The following DBX2 variants were observed in gnomAD, a reference collection of about 807,000 sequenced individuals.
DBX2 encodes the protein homeobox protein DBX2.
DBX2 carries 16 observed loss-of-function variants against 17.7 expected under a neutral mutation model. The ratio of observed to expected loss-of-function variants is 0.90; its 90% CI spans 0.61 to 1.37. The LOEUF (loss-of-function observed/expected upper bound fraction) is 1.37. DBX2 is among the 40% of genes most tolerant of loss of function. The probability of loss-of-function intolerance (pLI) is 0.00; values close to 1 mark genes in which losing one functional copy is unlikely to be tolerated. For missense variants in DBX2, 538 were observed against 433.8 expected, an observed-to-expected ratio of 1.24 and a Z score of -2.13; for synonymous variants, 255 against 183.8, an observed-to-expected ratio of 1.39 and a Z score of -3.13.
Position 45,051,092 on chromosome 12 carries a change from G to A in DBX2, c.-165C>T, listed in dbSNP as rs1202029645. Reference sequence around the variant, plus strand: ...GGCCACCCGGGACGGCGGCGGACTTGGAACGATATTATTTATTTGCGTTGG... The same window carrying A: ...GGCCACCCGGGACGGCGGCGGACTTAGAACGATATTATTTATTTGCGTTGG... On this transcript the variant is annotated 5_prime_UTR_variant, in exon 1 of 4. Transcript: ENST00000332700. 1.1e-5 allele frequency: 8 copies of A among 739,750 alleles called. No individual in the cohort carries two copies. The African/African-American group carries it at 1.5e-4, about 14-fold the overall frequency. 45.8% of individuals were successfully genotyped at this position (739,750 alleles called of 1,614,324 possible).
intron 1 of DBX2, among the ~76,000 whole-genome samples, chr12:45,048,945 T>C (rs1946514748): frequency 6.6e-6 from 1 of 152,196 alleles, no homozygotes; most frequent in African/African-American, 2.4e-5. Flanking sequence ...TTTGGTTAAG[T>C]GTACAAGAAT....
chr12:45,037,156 A>G (rs1946445308), intron 1 of DBX2, among the ~76,000 whole-genome samples: 1 of 152,206 alleles, frequency 6.6e-6, no homozygotes, highest in African/African-American at 2.4e-5. Flanking sequence ...TCAGTAGATG[A>G]GAACAGCTAT....
rs1356227481 is a variant in DBX2 at position 45,016,464 on chromosome 12, TC to T, written c.841del (p.Asp281ThrfsTer22). 1 of 1,613,870 alleles carries T rather than the reference TC, an allele frequency of 6.2e-7. No individual in the cohort carries two copies. The highest frequency in any genetic ancestry group is 8.5e-7 in the Non-Finnish European group (1 of 1,179,914). ...TGGACTTGAGTGCTGTTGGGGGACGTCCCATATTGAAGGACATGGAGAAGGG... is the reference window on the plus strand; with the variant it reads ...TGGACTTGAGTGCTGTTGGGGGACGTCCATATTGAAGGACATGGAGAAGGG... ...GFPSPCPSIW[D>X]VPQQHSSPRW... On this transcript the variant is annotated frameshift_variant, in exon 4 of 4. Transcript: ENST00000332700. LOFTEE classifies it low-confidence loss of function (END_TRUNC).
chr12:45,024,407 C>T (rs984547254), intron 2 of DBX2, among the ~76,000 whole-genome samples: 2 of 152,156 alleles, frequency 1.3e-5, no homozygotes, highest in African/African-American at 4.8e-5. Context: ...AATACAGACT[C>T]CTCTGAGAAT....
chr12:45,029,875 A>G (rs1298482657), intron 2 of DBX2, among the ~76,000 whole-genome samples: 1 of 82,186 alleles, frequency 1.2e-5, no homozygotes, highest in Admixed American at 1.4e-4. Flanking sequence ...AAAAAAAAAT[A>G]ATAAAAATAA....
chr12:45,034,620 T>C (rs1363384690), intron 2 of DBX2, among the ~76,000 whole-genome samples: 1 of 152,210 alleles, frequency 6.6e-6, no homozygotes, highest in East Asian at 1.9e-4. Flanking sequence ...ATGGGCCCTA[T>C]GTATTCAGCA....
At chr12:45,021,818 C>T (rs1035886696) in intron 3 of DBX2, among the ~76,000 whole-genome samples, 55 of 152,040 alleles carry the variant, frequency 3.6e-4, no homozygotes, top group East Asian at 3.9e-4. Flanking sequence ...ACTACCGATC[C>T]CCTTATTGGG....
At chr12:45,031,191 A>AGTGTGTGTGTGTGTGTGTGTGT in intron 2 of DBX2, among the ~76,000 whole-genome samples, 1 of 99,392 alleles carries the variant, frequency 1.0e-5, no homozygotes, top group East Asian at 2.9e-4. Context: ...CTTATTTTCA[A>AGTGTGTGTGTGTGTGTGTGTGT]GTGTGTGTGT....
At chr12:45,048,123 A>G (rs1361633076) in intron 1 of DBX2, among the ~76,000 whole-genome samples, 1 of 152,190 alleles carries the variant, frequency 6.6e-6, no homozygotes, top group African/African-American at 2.4e-5. Context: ...ATAGTAGGTA[A>G]CAAAAAATAA....
At chr12:45,031,854 G>A (rs986914034) in intron 2 of DBX2, among the ~76,000 whole-genome samples, 7 of 151,948 alleles carry the variant, frequency 4.6e-5, no homozygotes, top group African/African-American at 1.7e-4. Context: ...GTTCTATTCA[G>A]TCATTCTCCC....
rs1251334714 is a variant in DBX2 at position 45,016,572 on chromosome 12, T to C, written c.734A>G (p.Lys245Arg). Residue 245 changes from lysine (K) to arginine (R), a missense_variant, in exon 4 of 4, where the codon AAA (lysine) becomes AGA (arginine). Physicochemically the swap from Lys to Arg is conservative, Grantham distance 26. Coordinates refer to ENST00000332700, the MANE Select transcript of DBX2 (RefSeq NM_001004329.3). ...QNRRMKWRNSKEKEVLSNRCI... is the reference protein window; with the variant it reads ...QNRRMKWRNSREKEVLSNRCI... ...CCTGTTGGAAAGCACTTCCTTTTCT[T>C]TGGAATTCCGCCATTTCATCCTCCT... 1.3e-6 allele frequency: 2 copies of C among 1,559,158 alleles called. No homozygotes were observed. Among genetic ancestry groups the C allele is most frequent in the Admixed American group, 2.0e-5 (1 of 49,496 alleles).
chr12:45,033,513 G>A (rs1195208447), intron 2 of DBX2, among the ~76,000 whole-genome samples: 1 of 152,050 alleles, frequency 6.6e-6, no homozygotes, highest in Non-Finnish European at 1.5e-5. Context: ...GAAGATTATT[G>A]TACAGATGTA....
chr12:45,034,195 T>G (rs1946423717), intron 2 of DBX2, among the ~76,000 whole-genome samples: 1 of 151,988 alleles, frequency 6.6e-6, no homozygotes, highest in Non-Finnish European at 1.5e-5. Context: ...CCATTTCCAC[T>G]TACCTGGACT....
chr12:45,050,893 G>T lies in DBX2; in HGVS notation c.35C>A (p.Ala12Glu). 2.0e-6 allele frequency: 3 copies of T among 1,519,620 alleles called. No individual in the cohort carries two copies. The highest frequency in any genetic ancestry group is 1.2e-5 in the South Asian group (1 of 80,024). The allele number at this position is 1,519,620 out of a possible 1,614,324, so 94.1% of individuals were successfully genotyped here. Residue 12 changes from alanine to glutamate, a missense_variant, in exon 1 of 4, where the codon GCG (alanine) becomes GAG (glutamate). By Grantham distance (107) the Ala-to-Glu change is moderately radical. Coordinates refer to ENST00000332700, the MANE Select transcript of DBX2 (RefSeq NM_001004329.3). Reference sequence around the variant, plus strand: ...GGAGGAAGCCACAACGTCCCAGTACGCACCGGCGTGGGCTGCGACCGCGCT... The same window carrying T: ...GGAGGAAGCCACAACGTCCCAGTACTCACCGGCGTGGGCTGCGACCGCGCT... ...LPSAVAAHAG[A>E]YWDVVASSAL...
rs957006622 is a variant in DBX2, at chr12:45,031,157, T to C, written c.499+4862A>G. Among the ~76,000 whole-genome samples, 4 of 149,824 alleles carry C rather than the reference T, an allele frequency of 2.7e-5. No individual in the cohort carries two copies. In the Admixed American group the frequency reaches 2.7e-4, roughly 10 times the overall value. On this transcript the variant is annotated intron_variant, in intron 2 of 3. Coordinates refer to ENST00000332700, the MANE Select transcript of DBX2 (RefSeq NM_001004329.3). ...CCTCCTATCTTTCAGGGGCTTCTCT[T>C]TCATGAAGAGCTTCCTTACCCTTCT...
intron 2 of DBX2, among the ~76,000 whole-genome samples, chr12:45,027,102 C>T (rs551361295): frequency 9.2e-5 from 14 of 152,302 alleles, no homozygotes; most frequent in Middle Eastern, 3.4e-3. Context: ...GTTTGGATAT[C>T]AGCCCTTACA....
intron 2 of DBX2, among the ~76,000 whole-genome samples, chr12:45,035,615 C>T (rs987967140): frequency 6.6e-6 from 1 of 152,176 alleles, no homozygotes; most frequent in Admixed American, 6.5e-5. Flanking sequence ...TCCATAGACA[C>T]TTAGTGACTT....
In DBX2 at chr12:45,050,942, C is replaced by T. The variant is rs372265401; in HGVS notation, c.-15G>A. ...CTGGGGAGCATAGTGCGGCGCCAAC[C>T]GGTCTGCTGCGCGCCCGCCTTGCGC... On this transcript the variant is annotated 5_prime_UTR_variant, in exon 1 of 4. Transcript: ENST00000332700. 9 of 1,418,748 alleles carry T rather than the reference C, an allele frequency of 6.3e-6. No individual in the cohort carries two copies. Among genetic ancestry groups the T allele is most frequent in the South Asian group, 1.6e-5 (1 of 63,642 alleles). 87.9% of individuals were successfully genotyped at this position (1,418,748 alleles called of 1,614,324 possible).
rs1565579180 is a variant in DBX2 at position 45,016,217 on chromosome 12, T to C, written c.*69A>G. The C allele has an allele frequency of 2.7e-6, 4 of 1,474,462 alleles. No individual in the cohort carries two copies. The highest frequency in any genetic ancestry group is 2.4e-5 in the Admixed American group (1 of 41,730). The allele number at this position is 1,474,462 out of a possible 1,614,324, so 91.3% of individuals were successfully genotyped here. On this transcript the variant is annotated 3_prime_UTR_variant, in exon 4 of 4. Coordinates refer to ENST00000332700, the MANE Select transcript of DBX2 (RefSeq NM_001004329.3). ...CTCTAAGCACTGATGAGGTACAAGC[T>C]AGCTGGCATTAGAGTCCAGATGTTA...
Sources: gnomAD v4.1 joint callset for allele counts (sites outside exome capture counted in the v4.1 genomes callset) on GRCh38, gnomAD v4.1.1 for gene constraint, MANE v1.5 for transcripts, NCBI Gene and HGNC (gene_info 2026-07-23, HGNC 2026-07-21) for gene names.